Variants in CKAP4 observed in about 807,000 individuals in gnomAD.
CKAP4 encodes the protein cytoskeleton-associated protein 4.
In CKAP4, 20 loss-of-function variants were observed where a neutral mutation model predicts 24.4. That is an observed-to-expected ratio of 0.82 (90% CI 0.58 to 1.19). The LOEUF is 1.19. Ranked by LOEUF, CKAP4 falls within the 50% of genes most tolerant of loss-of-function variation. The probability of loss-of-function intolerance (pLI) is 0.00; values close to 1 mark genes in which losing one functional copy is unlikely to be tolerated. For synonymous variants in CKAP4, 378 were observed against 351.7 expected (o/e 1.07, Z -0.84); for missense variants, 744 against 765.3 (o/e 0.97, Z 0.33).
At chr12:106,241,549 G>A (rs2033971242) in intron 1 of CKAP4, among the ~76,000 whole-genome samples, 1 of 152,008 alleles carries the variant, frequency 6.6e-6, no homozygotes, top group African/African-American at 2.4e-5. Context: ...TAGCCGGGAT[G>A]GTCTCGATCT....
intron 1 of CKAP4, among the ~76,000 whole-genome samples, chr12:106,240,806 A>G (rs930727526): frequency 6.6e-6 from 1 of 152,228 alleles, no homozygotes; most frequent in African/African-American, 2.4e-5. Context: ...TACAGGACAA[A>G]GAACCAGGAT....
chr12:106,239,831 C>T lies in CKAP4; in HGVS notation c.1002G>A (p.Glu334=). ...EVRELVSLKQ[E]QQAFKEAADT... ...CGGCCGCCTCCTTGAAAGCCTGCTG[C>T]TCCTGCTTGAGGCTCACCAGCTCGC... Residue 334 remains glutamate, a synonymous_variant, in exon 2 of 2, where the codon GAG becomes GAA. Coordinates refer to ENST00000378026, the MANE Select transcript of CKAP4 (RefSeq NM_006825.4). This position sits in a 1 kb window ranked among gnomAD's most constrained non-coding sequence, Gnocchi z 4.9. The T allele has an allele frequency of 6.2e-7, 1 of 1,614,138 alleles. No individual in the cohort carries two copies. The highest frequency in any genetic ancestry group is 8.5e-7 in the Non-Finnish European group (1 of 1,180,020).
In CKAP4 at chr12:106,247,832, CTTTG is replaced by C; in HGVS notation, c.16_19del (p.Gln6GlyfsTer170). ...GGCGCCGTGGCCGCCCTTGGAGCCC[CTTTG>C]TTTGGCCGAGGGCATGGCGGGCGCG... On this transcript the variant is annotated frameshift_variant, in exon 1 of 2. Transcript: ENST00000378026. This position sits in a 1 kb window ranked among gnomAD's most constrained non-coding sequence, Gnocchi z 4.5. 2 of 1,047,360 alleles carry C rather than the reference CTTTG, an allele frequency of 1.9e-6. No homozygotes were observed. Among genetic ancestry groups the C allele is most frequent in the Non-Finnish European group, 2.3e-6 (2 of 873,622 alleles). 64.9% of individuals were successfully genotyped at this position (1,047,360 alleles called of 1,614,324 possible).
chr12:106,239,353 C>T lies in CKAP4; in HGVS notation c.1480G>A (p.Gly494Ser), dbSNP rs1175652713. The T allele has an allele frequency of 1.2e-6, 2 of 1,605,328 alleles. No homozygotes were observed. Among genetic ancestry groups the T allele is most frequent in the African/African-American group, 2.7e-5 (2 of 75,030 alleles). Reference protein sequence around the residue: ...GDVEELKRSVGELPSTVESLQ... With the variant: ...GDVEELKRSVSELPSTVESLQ... Reference sequence around the variant, plus strand: ...GATTCCACGGTGCTGGGGAGCTCGCCCACACTCCTCTTCAGCTCCTCCACG... The same window carrying T: ...GATTCCACGGTGCTGGGGAGCTCGCTCACACTCCTCTTCAGCTCCTCCACG... The change falls in exon 2 of 2, where the codon GGC becomes AGC. Residue 494 changes from glycine (G) to serine (S), a missense_variant. Gly to Ser is a moderately conservative substitution (Grantham distance 56). Transcript: ENST00000378026. The surrounding 1 kb of genome is among the most constrained non-coding windows in gnomAD (Gnocchi z 4.9).
At position 106,237,910 on chromosome 12, in the gene CKAP4, A is replaced by T. The variant is rs1286541142; in HGVS notation, c.*1114T>A. The T allele has an allele frequency of 6.6e-6, 1 of 151,882 alleles. No individual in the cohort carries two copies. Among genetic ancestry groups the T allele is most frequent in the Non-Finnish European group, 1.5e-5 (1 of 67,984 alleles). The allele number at this position is 151,882 out of a possible 1,614,324, so 9.4% of individuals were successfully genotyped here. A position where few individuals can be genotyped will look rare whatever the true frequency, so the allele number is the denominator to read the frequency against. ...AACAAAGCTCAAGTGTTTATTAAGA[A>T]TTAAAAATACTGTAAATAAGCCATA... On this transcript the variant is annotated 3_prime_UTR_variant, in exon 2 of 2. Coordinates refer to ENST00000378026, the MANE Select transcript of CKAP4 (RefSeq NM_006825.4).
Position 106,247,737 on chromosome 12 carries a change from CCGGCGG to C in CKAP4, c.109_114del (p.Pro37_Pro38del), listed in dbSNP as rs1454150478. 3,733 of 1,045,034 alleles carry C rather than the reference CCGGCGG, an allele frequency of 3.6e-3. 15 individuals are homozygous for C. The highest frequency in any genetic ancestry group is 0.01 in the Middle Eastern group (23 of 2,192). The allele number at this position is 1,045,034 out of a possible 1,614,324, so 64.7% of individuals were successfully genotyped here. ...GGCGGCGGCGGCGGCTGCTGCGGCG[CCGGCGG>C]CGGCTTCTTCGCCACGTCATCCGCG... On this transcript the variant is annotated inframe_deletion, in exon 1 of 2. Transcript: ENST00000378026. The surrounding 1 kb of genome is among the most constrained non-coding windows in gnomAD (Gnocchi z 4.5).
At position 106,247,766 on chromosome 12, in the gene CKAP4, G is replaced by T. The variant is rs2034031188; in HGVS notation, c.86C>A (p.Ala29Glu). Residue 29 changes from alanine to glutamate, a missense_variant, in exon 1 of 2, where the codon GCG becomes GAG. Physicochemically the swap from Ala to Glu is moderately radical, Grantham distance 107. Coordinates refer to ENST00000378026, the MANE Select transcript of CKAP4 (RefSeq NM_006825.4). This position sits in a 1 kb window ranked among gnomAD's most constrained non-coding sequence, Gnocchi z 4.5. ...CGGCGGCTTCTTCGCCACGTCATCC[G>T]CGCCGCCCGACGGGTGGGCACCCTT... ...SEKGAHPSGG[A>E]DDVAKKPPPA... 1.9e-6 allele frequency: 2 copies of T among 1,054,158 alleles called. No individual in the cohort carries two copies. The allele number at this position is 1,054,158 out of a possible 1,614,324, so 65.3% of individuals were successfully genotyped here.
Position 106,240,205 on chromosome 12 carries a change from C to T in CKAP4, c.628G>A (p.Glu210Lys). The T allele has an allele frequency of 6.2e-7, 1 of 1,614,178 alleles. No homozygotes were observed. Among genetic ancestry groups the T allele is most frequent in the Non-Finnish European group, 8.5e-7 (1 of 1,180,040 alleles). ...CCATCCGAGAGGTCTTTGAGAATCT[C>T]ATTCTGGAGTTTCTGCAGCACTTCG... ...ISEVLQKLQN[E>K]ILKDLSDGIH... The change falls in exon 2 of 2, where the codon GAG (glutamate) becomes AAG (lysine). Residue 210 changes from glutamate to lysine, a missense_variant. Around this residue, in one of 3 missense-constraint regions of CKAP4, gnomAD observed 300 missense variants for 264.5 expected, o/e 1.13. Transcript: ENST00000378026.
intron 1 of CKAP4, among the ~76,000 whole-genome samples, chr12:106,245,271 G>T (rs1592898480): frequency 6.6e-6 from 1 of 152,060 alleles, no homozygotes. Flanking sequence ...TTTCACAGGA[G>T]TTACCCTCAA....
chr12:106,240,363 C>G lies in CKAP4; in HGVS notation c.484-14G>C, dbSNP rs1380875046. 3 of 1,601,892 alleles carry G rather than the reference C, an allele frequency of 1.9e-6. No homozygotes were observed. Among genetic ancestry groups the G allele is most frequent in the Non-Finnish European group, 2.6e-6 (3 of 1,172,524 alleles). ...CAAAGACTGCACCTGTAATCAAAAT[C>G]CAGACGTTAATTGCTGAGAAGAGCT... On this transcript the variant is annotated splice_polypyrimidine_tract_variant and intron_variant, in intron 1 of 1. Transcript: ENST00000378026.
At chr12:106,242,911 C>T (rs556936429) in intron 1 of CKAP4, among the ~76,000 whole-genome samples, 1 of 152,306 alleles carries the variant, frequency 6.6e-6, no homozygotes, top group East Asian at 1.9e-4. Context: ...TATATCCAAC[C>T]CCCAACACTA....
At position 106,239,843 on chromosome 12, in the gene CKAP4, GCTCACCAGC is replaced by G. The variant is rs1312348842; in HGVS notation, c.981_989del (p.Glu327_Ser330delinsAsp). On this transcript the variant is annotated inframe_deletion, in exon 2 of 2. Coordinates refer to ENST00000378026, the MANE Select transcript of CKAP4 (RefSeq NM_006825.4). The surrounding 1 kb of genome is among the most constrained non-coding windows in gnomAD (Gnocchi z 4.9). ...TGAAAGCCTGCTGCTCCTGCTTGAG[GCTCACCAGC>G]TCGCGGACCTCGGTGTAGATGTCAG... 3 of 1,614,096 alleles carry G rather than the reference GCTCACCAGC, an allele frequency of 1.9e-6. No individual in the cohort carries two copies. The highest frequency in any genetic ancestry group is 1.7e-4 in the Middle Eastern group (1 of 6,060).
chr12:106,238,992 C>G lies in CKAP4; in HGVS notation c.*32G>C. ...CATTTTTTGGTCATGAGAAATTGGACTTTAAATCCGCGCCCTGCACACGCA... is the reference window on the plus strand; with the variant it reads ...CATTTTTTGGTCATGAGAAATTGGAGTTTAAATCCGCGCCCTGCACACGCA... On this transcript the variant is annotated 3_prime_UTR_variant, in exon 2 of 2. Coordinates refer to ENST00000378026, the MANE Select transcript of CKAP4 (RefSeq NM_006825.4). 6.3e-7 allele frequency: 1 copy of G among 1,595,010 alleles called. No individual in the cohort carries two copies. The highest frequency in any genetic ancestry group is 8.6e-7 in the Non-Finnish European group (1 of 1,167,184).
rs201998196 is a variant in CKAP4 at position 106,247,339 on chromosome 12, G to A, written c.483+30C>T. On this transcript the variant is annotated intron_variant, in intron 1 of 1. Coordinates refer to ENST00000378026, the MANE Select transcript of CKAP4 (RefSeq NM_006825.4). This position sits in a 1 kb window ranked among gnomAD's most constrained non-coding sequence, Gnocchi z 4.5. ...CGTGGGTCCGGAGGCCGCAGTCGAT[G>A]GGGACAGTTGCGGGGCCGGGGGTAC... The A allele has an allele frequency of 4.4e-4, 669 of 1,508,676 alleles. 5 individuals carry two copies. The East Asian group carries it at 0.014, about 32-fold the overall frequency. 93.5% of individuals were successfully genotyped at this position (1,508,676 alleles called of 1,614,324 possible).
At position 106,247,426 on chromosome 12, in the gene CKAP4, C is replaced by T. The variant is rs188646596; in HGVS notation, c.426G>A (p.Gln142=). Residue 142 remains glutamine, a synonymous_variant, in exon 1 of 2, where the codon CAG becomes CAA. Transcript: ENST00000378026. The surrounding 1 kb of genome is among the most constrained non-coding windows in gnomAD (Gnocchi z 4.5). ...EEVQQVRRSH[Q]DFSRQREELG... is the part of the protein sequence containing the mutation. ...GCTCCTCCCTCTGCCGGGAGAAGTC[C>T]TGGTGGCTGCGCCGGACCTGCTGGA... 3.3e-3 allele frequency: 5,126 copies of T among 1,544,294 alleles called. 17 individuals carry two copies. Among genetic ancestry groups the T allele is most frequent in the Middle Eastern group, 4.4e-3 (26 of 5,918 alleles).
At position 106,247,621 on chromosome 12, in the gene CKAP4, G is replaced by C. The variant is rs993337029; in HGVS notation, c.231C>G (p.Gly77=). The C allele has an allele frequency of 2.6e-6, 2 of 779,302 alleles. No individual in the cohort carries two copies. Among genetic ancestry groups the C allele is most frequent in the Non-Finnish European group, 3.3e-6 (2 of 614,546 alleles). 48.3% of individuals were successfully genotyped at this position (779,302 alleles called of 1,614,324 possible). Residue 77 remains glycine, a synonymous_variant, in exon 1 of 2, where the codon GGC becomes GGG. Coordinates refer to ENST00000378026, the MANE Select transcript of CKAP4 (RefSeq NM_006825.4). The surrounding 1 kb of genome is among the most constrained non-coding windows in gnomAD (Gnocchi z 4.5). The part of the protein sequence containing the change: ...GGHRGGGGGG[G]KSSSSSSASA... Reference sequence around the variant, plus strand: ...AGGCGGAGGAGGAGGAGGAGGACTTGCCGCCGCCGCCGCCGCCGCCGCGGT... The same window carrying C: ...AGGCGGAGGAGGAGGAGGAGGACTTCCCGCCGCCGCCGCCGCCGCCGCGGT...
At position 106,238,948 on chromosome 12, in the gene CKAP4, C is replaced by A. The variant is rs2033937762; in HGVS notation, c.*76G>T. 4 of 1,522,830 alleles carry A rather than the reference C, an allele frequency of 2.6e-6. No individual in the cohort carries two copies. The allele number at this position is 1,522,830 out of a possible 1,614,324, so 94.3% of individuals were successfully genotyped here. A position where few individuals can be genotyped will look rare whatever the true frequency, so the allele number is the denominator to read the frequency against. On this transcript the variant is annotated 3_prime_UTR_variant, in exon 2 of 2. Transcript: ENST00000378026. ...GGACAAGAAATTGGGGGGTAGGGGA[C>A]ACATGGGAAAAAACCACACATTTTT...
In CKAP4 at chr12:106,239,102, G is replaced by A; in HGVS notation, c.1731C>T (p.Ala577=). ...IETNENNLES[A]KGLLDDLRND... is the part of the protein sequence containing the mutation. ...TCCTCAGGTCATCTAGTAAACCCTT[G>A]GCTGATTCCAGATTGTTCTCGTTGG... The change falls in exon 2 of 2, where the codon GCC becomes GCT. Residue 577 remains alanine, a synonymous_variant. Coordinates refer to ENST00000378026, the MANE Select transcript of CKAP4 (RefSeq NM_006825.4). This position sits in a 1 kb window ranked among gnomAD's most constrained non-coding sequence, Gnocchi z 4.9. 1 of 1,613,850 alleles carries A rather than the reference G, an allele frequency of 6.2e-7. No individual in the cohort carries two copies. The highest frequency in any genetic ancestry group is 2.2e-5 in the East Asian group (1 of 44,876).
chr12:106,240,655 T>C (rs1009101323), intron 1 of CKAP4, among the ~76,000 whole-genome samples: 1 of 143,310 alleles, frequency 7.0e-6, no homozygotes, highest in African/African-American at 2.6e-5. Context: ...GTGCCACCTT[T>C]AATGCTTTGT....
Sources: allele counts gnomAD v4.1 joint callset (sites outside exome capture counted in the v4.1 genomes callset), GRCh38; gene constraint gnomAD v4.1.1; regional missense constraint gnomAD v4.1.1; non-coding constraint Gnocchi (gnomAD v3.1); transcripts MANE v1.5; gene names NCBI Gene and HGNC (gene_info 2026-07-23, HGNC 2026-07-21).